The following TENM3 variants were observed in gnomAD, a reference collection of about 807,000 sequenced individuals.
TENM3 encodes the protein teneurin transmembrane protein 3.
In TENM3, 63 loss-of-function variants were observed where a neutral mutation model predicts 255.1. The observed-to-expected ratio is 0.25, with a 90% CI of 0.20 to 0.30. The LOEUF is 0.30. Ranked by LOEUF, TENM3 falls within the 10% of genes least tolerant of loss-of-function variation. The probability of loss-of-function intolerance (pLI) is 1.00; values close to 1 mark genes in which losing one functional copy is unlikely to be tolerated. For missense variants in TENM3, 2,929 were observed against 3,461.1 expected (o/e 0.85, Z 3.86); for synonymous variants, 1,306 against 1,322.3 (o/e 0.99, Z 0.27).
At chr4:182,495,977 G>A (rs1285169253) in intron 3 of TENM3, among the ~76,000 whole-genome samples, 2 of 152,168 alleles carry the variant, frequency 1.3e-5, no homozygotes, top group African/African-American at 4.8e-5. Context: ...GACCTTGGAA[G>A]CTAAGCATTT....
intron 4 of TENM3, among the ~76,000 whole-genome samples, chr4:182,619,210 G>A (rs1352253315): frequency 2.0e-5 from 3 of 151,984 alleles, no homozygotes; most frequent in East Asian, 1.9e-4. Flanking sequence ...AGCGGATCAC[G>A]AGGTCAGGAG....
chr4:182,375,840 G>A (rs1434638351), intron 3 of TENM3, among the ~76,000 whole-genome samples: 3 of 152,104 alleles, frequency 2.0e-5, no homozygotes, highest in Admixed American at 6.6e-5. Context: ...CACCGCGCCC[G>A]GCTGGGAACC....
chr4:182,615,125 A>G (rs557845483), intron 4 of TENM3, among the ~76,000 whole-genome samples: 28 of 148,366 alleles, frequency 1.9e-4, no homozygotes, highest in African/African-American at 6.7e-4. Flanking sequence ...ATTAGAGATT[A>G]TATTTGTGTG....
the TENM3 span, among the ~76,000 whole-genome samples, chr4:181,515,426 G>T: frequency 6.6e-6 from 1 of 151,908 alleles, no homozygotes; most frequent in East Asian, 1.9e-4. Flanking sequence ...TCTCCAATTT[G>T]CATTGAAAAG....
the TENM3 span, among the ~76,000 whole-genome samples, chr4:181,926,297 A>T: frequency 6.6e-6 from 1 of 152,224 alleles, no homozygotes; most frequent in Admixed American, 6.5e-5. Flanking sequence ...TAGATGAAAT[A>T]TATCAGGCAA....
the TENM3 span, among the ~76,000 whole-genome samples, chr4:181,920,873 C>T: frequency 4.6e-5 from 7 of 152,208 alleles, no homozygotes; most frequent in Admixed American, 1.3e-4. Flanking sequence ...TTAGGTCTAA[C>T]GTTTAAGTCT....
rs1183113150 is a variant in TENM3, at chr4:182,289,227, C to T, written c.-75-34719C>T. Reference sequence around the variant, plus strand: ...CCTGGGCGAGGGTGAGATGCTGTCTCTACAAAACATTTAAAAAGATTTATA... The same window carrying T: ...CCTGGGCGAGGGTGAGATGCTGTCTTTACAAAACATTTAAAAAGATTTATA... On this transcript the variant is annotated intron_variant, in intron 1 of 27. Transcript: ENST00000511685. 5.3e-5 allele frequency among the ~76,000 whole-genome samples: 8 copies of T among 152,222 alleles called. 1 individual carries two copies. In the South Asian group the frequency reaches 1.0e-3, roughly 20 times the overall value.
the TENM3 span, among the ~76,000 whole-genome samples, chr4:181,686,280 T>C: frequency 6.6e-6 from 1 of 152,164 alleles, no homozygotes. Context: ...CTCTACACTT[T>C]TGAGATGAAC....
the TENM3 span, among the ~76,000 whole-genome samples, chr4:181,743,659 GGC>G: frequency 3.0e-3 from 449 of 152,180 alleles, 5 homozygotes; most frequent in African/African-American, 0.01. Flanking sequence ...GGGCAAGAGT[GGC>G]GGGACAGCCA....
chr4:182,300,328 T>G (rs1194691652), intron 1 of TENM3, among the ~76,000 whole-genome samples: 1 of 152,130 alleles, frequency 6.6e-6, no homozygotes, highest in Non-Finnish European at 1.5e-5. Flanking sequence ...GGAGGGAACC[T>G]CTGCTGAACA....
rs199546448 is a variant in TENM3, at chr4:182,618,622, T to TAA, written c.750-10017_750-10016dup. On this transcript the variant is annotated intron_variant, in intron 4 of 27. Transcript: ENST00000511685. Reference sequence around the variant, plus strand: ...AGCATGCCTGCTAAGACATGGGGTTTAAAAAAAAAAAAAGCAAAACAAATT... The same window carrying TAA: ...AGCATGCCTGCTAAGACATGGGGTTTAAAAAAAAAAAAAAAGCAAAACAAATT... 4.6e-3 allele frequency among the ~76,000 whole-genome samples: 668 copies of TAA among 144,394 alleles called. 3 individuals are homozygous for TAA. The highest frequency in any genetic ancestry group is 0.016 in the African/African-American group (629 of 38,946). The allele number at this position is 144,394 out of a possible 152,430, so 94.7% of individuals were successfully genotyped here.
the TENM3 span, among the ~76,000 whole-genome samples, chr4:181,450,917 TGAA>T: frequency 6.6e-6 from 1 of 152,198 alleles, no homozygotes; most frequent in Non-Finnish European, 1.5e-5. Context: ...CCTCAGTTAA[TGAA>T]GTTTAATGTA....
chr4:182,457,170 G>A (rs1773942019), intron 3 of TENM3, among the ~76,000 whole-genome samples: 1 of 143,468 alleles, frequency 7.0e-6, no homozygotes, highest in African/African-American at 2.5e-5. Flanking sequence ...GGGTGACAGA[G>A]CAAGACTCTG....
At chr4:182,197,521 C>T (rs1463741009) in intron 1 of TENM3, among the ~76,000 whole-genome samples, 1 of 151,820 alleles carries the variant, frequency 6.6e-6, no homozygotes. Context: ...TTAATAAATA[C>T]TCAAAAAATA....
chr4:181,477,594 T>A, the TENM3 span, among the ~76,000 whole-genome samples: 1 of 152,198 alleles, frequency 6.6e-6, no homozygotes, highest in Non-Finnish European at 1.5e-5. Context: ...TCACCCAATA[T>A]ATGACCTGAC....
intron 11 of TENM3, among the ~76,000 whole-genome samples, chr4:182,685,982 C>T (rs1385640920): frequency 1.3e-5 from 2 of 151,916 alleles, no homozygotes; most frequent in Non-Finnish European, 2.9e-5. Flanking sequence ...CCAAAAATCA[C>T]ACATCATTAT....
intron 3 of TENM3, 106 bp from the exon 4 acceptor site, chr4:182,600,818 A>C: frequency 4.1e-6 from 2 of 491,802 alleles, no homozygotes; most frequent in Non-Finnish European, 6.8e-6. Flanking sequence ...GCAGTTTTTA[A>C]TTCTAATTCA....
chr4:182,727,384 A>G (rs926484589), intron 13 of TENM3, among the ~76,000 whole-genome samples: 5 of 144,372 alleles, frequency 3.5e-5, no homozygotes, highest in South Asian at 2.2e-4. Context: ...TGAACCAGTT[A>G]GGCGGAGGTT....
chr4:181,522,128 A>AAAAG, the TENM3 span, among the ~76,000 whole-genome samples: 1 of 146,868 alleles, frequency 6.8e-6, no homozygotes, highest in African/African-American at 2.6e-5. Flanking sequence ...AAAAAAAAAA[A>AAAAG]AAGAAGAAGC....
Sources: allele counts gnomAD v4.1 joint callset (sites outside exome capture counted in the v4.1 genomes callset), GRCh38; gene constraint gnomAD v4.1.1; transcripts MANE v1.5; gene names NCBI Gene and HGNC (gene_info 2026-07-23, HGNC 2026-07-21).